Variants in ADAMTS12 observed in about 807,000 individuals in gnomAD.
ADAMTS12 encodes A disintegrin and metalloproteinase with thrombospondin motifs 12.
ADAMTS12 carries 118 observed loss-of-function variants against 167.8 expected under a neutral mutation model. The observed-to-expected ratio is 0.70, with a 90% CI of 0.61 to 0.82. The LOEUF (loss-of-function observed/expected upper bound fraction) is 0.82. Ranked by LOEUF, ADAMTS12 falls within the 40% of genes least tolerant of loss-of-function variation. The pLI, the probability that ADAMTS12 is intolerant of heterozygous loss-of-function variation, is 0.00. For synonymous variants in ADAMTS12, 704 were observed against 716.9 expected (o/e 0.98, Z 0.29); for missense variants, 1,916 against 1,998.8 (o/e 0.96, Z 0.79).
chr5:33,849,195 G>T, intron 2 of ADAMTS12, among the ~76,000 whole-genome samples: 1 of 69,598 alleles, frequency 1.4e-5, no homozygotes, highest in Non-Finnish European at 2.6e-5. Flanking sequence ...GTATTGCATA[G>T]CAATATATAT....
At chr5:33,746,274 T>TC (rs1177489337) in intron 3 of ADAMTS12, among the ~76,000 whole-genome samples, 1 of 152,216 alleles carries the variant, frequency 6.6e-6, no homozygotes, top group African/African-American at 2.4e-5. Flanking sequence ...CTTAGAATCT[T>TC]CAACTCACTG....
intron 9 of ADAMTS12, among the ~76,000 whole-genome samples, chr5:33,648,064 G>A (rs980233885): frequency 3.0e-4 from 45 of 152,290 alleles, no homozygotes; most frequent in African/African-American, 9.6e-4. Context: ...GACTTGCCTC[G>A]TCAATATGTG....
intron 2 of ADAMTS12, among the ~76,000 whole-genome samples, chr5:33,854,900 G>A (rs1749346582): frequency 1.3e-5 from 2 of 152,162 alleles, no homozygotes; most frequent in Non-Finnish European, 1.5e-5. Context: ...GCAGAGTCAG[G>A]GGATAAGCAG....
intron 2 of ADAMTS12, among the ~76,000 whole-genome samples, chr5:33,868,841 C>T (rs935266409): frequency 3.9e-5 from 6 of 152,180 alleles, no homozygotes; most frequent in Admixed American, 1.3e-4. Flanking sequence ...TAGCCCAAGA[C>T]GATTCTTCTT....
At chr5:33,883,327 G>GTTTTTTTTTTTTTTGTTTTTTTTTTT (rs1369596622) in intron 1 of ADAMTS12, among the ~76,000 whole-genome samples, 4 of 111,596 alleles carry the variant, frequency 3.6e-5, no homozygotes, top group Non-Finnish European at 7.5e-5. Context: ...TTTTTTTTTT[G>GTTTTTTTTTTTTTTGTTTTTTTTTTT]TTTTTTTTTT....
chr5:33,726,324 G>C (rs1743980002), intron 3 of ADAMTS12, among the ~76,000 whole-genome samples: 1 of 152,162 alleles, frequency 6.6e-6, no homozygotes, highest in Admixed American at 6.5e-5. Context: ...GCAGGTGTGA[G>C]CTCCTAAAAA....
chr5:33,595,959 ACTT>A lies in ADAMTS12; in HGVS notation c.2626_2628del (p.Lys876del), dbSNP rs767829799. The A allele has an allele frequency of 3.1e-6, 5 of 1,614,092 alleles. No individual in the cohort carries two copies. Among genetic ancestry groups the A allele is most frequent in the Admixed American group, 1.7e-5 (1 of 60,018 alleles). ...CTGGGTGGACAAGCCTTTTCATGGC[ACTT>A]CTTCTGTCTCCCATTGGGCTGTGTT... On this transcript the variant is annotated inframe_deletion, in exon 17 of 24. Coordinates refer to ENST00000504830, the MANE Select transcript of ADAMTS12 (RefSeq NM_030955.4).
intron 13 of ADAMTS12, 21 bp downstream of exon 13, chr5:33,630,759 T>C (rs1739883682): frequency 6.3e-7 from 1 of 1,598,454 alleles, no homozygotes; most frequent in East Asian, 2.2e-5. Context: ...AAGTTGTAGA[T>C]TAAGGAAACA....
chr5:33,540,638 C>T (rs1744650289), intron 22 of ADAMTS12, among the ~76,000 whole-genome samples: 1 of 152,218 alleles, frequency 6.6e-6, no homozygotes, highest in Non-Finnish European at 1.5e-5. Flanking sequence ...AATATTTGCT[C>T]TTCTGCAATA....
chr5:33,555,414 GT>G (rs1187687243), intron 20 of ADAMTS12, among the ~76,000 whole-genome samples: 1 of 152,052 alleles, frequency 6.6e-6, no homozygotes, highest in African/African-American at 2.4e-5. Flanking sequence ...GCCGGGCTAA[GT>G]TTTTTTGTAT....
intron 2 of ADAMTS12, among the ~76,000 whole-genome samples, chr5:33,767,837 A>T (rs887047630): frequency 6.6e-6 from 1 of 152,138 alleles, no homozygotes; most frequent in African/African-American, 2.4e-5. Flanking sequence ...TAACAGAAGA[A>T]GTGGGAAAGG....
intron 2 of ADAMTS12, among the ~76,000 whole-genome samples, chr5:33,811,779 C>A (rs1017835039): frequency 2.0e-5 from 3 of 152,124 alleles, no homozygotes. Flanking sequence ...AAAGTAGAAG[C>A]TGAGAAACCA....
At chr5:33,684,814 T>A (rs1295757451) in intron 3 of ADAMTS12, among the ~76,000 whole-genome samples, 1 of 152,178 alleles carries the variant, frequency 6.6e-6, no homozygotes, top group Non-Finnish European at 1.5e-5. Flanking sequence ...TATAGAATGA[T>A]AAAGAAAGTC....
intron 23 of ADAMTS12, among the ~76,000 whole-genome samples, chr5:33,530,704 C>T (rs1452384378): frequency 6.6e-6 from 1 of 152,200 alleles, no homozygotes; most frequent in Non-Finnish European, 1.5e-5. Flanking sequence ...TCTCCATCTC[C>T]AAACAGGCAT....
chr5:33,695,715 G>A (rs1313844742), intron 3 of ADAMTS12, among the ~76,000 whole-genome samples: 1 of 152,172 alleles, frequency 6.6e-6, no homozygotes, highest in Non-Finnish European at 1.5e-5. Context: ...AGGGAAATGG[G>A]AAAAACTGTT....
intron 16 of ADAMTS12, among the ~76,000 whole-genome samples, chr5:33,605,651 T>C (rs983840027): frequency 3.3e-5 from 5 of 152,166 alleles, no homozygotes; most frequent in Admixed American, 3.3e-4. Context: ...GCATTTAAGA[T>C]GTATACAGAG....
intron 5 of ADAMTS12, among the ~76,000 whole-genome samples, chr5:33,669,803 A>G (rs1741606241): frequency 6.6e-6 from 1 of 152,096 alleles, no homozygotes; most frequent in African/African-American, 2.4e-5. Context: ...ACAAAAAGAG[A>G]GAAAGAGAAA....
In ADAMTS12 at chr5:33,641,839, C is replaced by A. The variant is rs1219173255; in HGVS notation, c.1689G>T (p.Gln563His). 1.9e-6 allele frequency: 3 copies of A among 1,613,292 alleles called. No homozygotes were observed. The highest frequency in any genetic ancestry group is 2.5e-6 in the Non-Finnish European group (3 of 1,179,508). Residue 563 changes from glutamine to histidine, a missense_variant, in exon 11 of 24, where the codon CAG (glutamine) becomes CAT (histidine). Transcript: ENST00000504830. ...HCSRTCGAGV[Q>H]SAERLCNNPE... Reference sequence around the variant, plus strand: ...GGTTGTTGCAGAGCCTCTCTGCGCTCTGGACTCCAGCCCCACAGGTCCTGG... The same window carrying A: ...GGTTGTTGCAGAGCCTCTCTGCGCTATGGACTCCAGCCCCACAGGTCCTGG...
In ADAMTS12 at chr5:33,881,234, T is replaced by G; in HGVS notation, c.374A>C (p.Asn125Thr). The change falls in exon 2 of 24, where the codon AAC (asparagine) becomes ACC (threonine). Residue 125 changes from asparagine (N) to threonine (T), a missense_variant. Coordinates refer to ENST00000504830, the MANE Select transcript of ADAMTS12 (RefSeq NM_030955.4). ...NSYIMEKRYG[N>T]LSHVKMMASS... is the part of the protein sequence containing the mutation. Reference sequence around the variant, plus strand: ...AGCCATCATCTTAACATGGGAGAGGTTCCCATATCTCTTCTCCATGATGTA... The same window carrying G: ...AGCCATCATCTTAACATGGGAGAGGGTCCCATATCTCTTCTCCATGATGTA... The G allele has an allele frequency of 3.1e-6, 5 of 1,613,636 alleles. No homozygotes were observed. Among genetic ancestry groups the G allele is most frequent in the Non-Finnish European group, 4.2e-6 (5 of 1,179,906 alleles).
Sources: allele counts gnomAD v4.1 joint callset (sites outside exome capture counted in the v4.1 genomes callset), GRCh38; gene constraint gnomAD v4.1.1; transcripts MANE v1.5; gene names NCBI Gene and HGNC (gene_info 2026-07-23, HGNC 2026-07-21).